The following EDIL3 variants were observed in gnomAD, a reference collection of about 807,000 sequenced individuals.
The protein encoded by EDIL3 is EGF like and discoidin domains 3, also known as EGF-like repeat and discoidin I-like domain-containing protein 3.
Under a neutral mutation model 67.4 loss-of-function variants are expected in EDIL3, and 37 were observed. That is an observed-to-expected ratio of 0.55 (90% CI 0.42 to 0.72). EDIL3 has a LOEUF of 0.72. Ranked by LOEUF, EDIL3 falls within the 30% of genes least tolerant of loss-of-function variation. EDIL3 has a pLI of 0.00. For missense variants in EDIL3, 527 were observed against 586.3 expected (o/e 0.90, Z 1.04); for synonymous variants, 195 against 196.3 (o/e 0.99, Z 0.05).
chr5:84,318,181 T>C (rs1316043995), intron 1 of EDIL3, among the ~76,000 whole-genome samples: 1 of 152,180 alleles, frequency 6.6e-6, no homozygotes, highest in Non-Finnish European at 1.5e-5. Context: ...TGGAAGAATA[T>C]TCCATGCTCA....
At chr5:84,056,135 GGCA>G (rs1746441969) in intron 9 of EDIL3, among the ~76,000 whole-genome samples, 1 of 151,998 alleles carries the variant, frequency 6.6e-6, no homozygotes, top group Admixed American at 6.6e-5. Context: ...TGGAATACTA[GGCA>G]GCCATAAAAA....
intron 5 of EDIL3, among the ~76,000 whole-genome samples, chr5:84,127,303 T>C (rs1747885436): frequency 6.6e-6 from 1 of 152,080 alleles, no homozygotes. Flanking sequence ...ATTCCTCAAG[T>C]TCAATTTATT....
intron 9 of EDIL3, among the ~76,000 whole-genome samples, chr5:84,004,733 G>T (rs1223488641): frequency 6.6e-6 from 1 of 151,948 alleles, no homozygotes; most frequent in South Asian, 2.1e-4. Flanking sequence ...ATCAAAAAGT[G>T]AGAATGTTCT....
At chr5:84,225,911 C>T (rs542403406) in intron 3 of EDIL3, among the ~76,000 whole-genome samples, 1 of 151,654 alleles carries the variant, frequency 6.6e-6, no homozygotes, top group African/African-American at 2.4e-5. Flanking sequence ...ATTCAAAATT[C>T]ATACATTAAC....
At chr5:84,042,393 T>G (rs1328196734) in intron 9 of EDIL3, among the ~76,000 whole-genome samples, 1 of 152,018 alleles carries the variant, frequency 6.6e-6, no homozygotes, top group Non-Finnish European at 1.5e-5. Flanking sequence ...GTGATTCTCC[T>G]GCCTCAGCCC....
In EDIL3 at chr5:84,360,272, A is replaced by T. The variant is rs150180352; in HGVS notation, c.67+24036T>A. 4.3e-3 allele frequency among the ~76,000 whole-genome samples: 657 copies of T among 152,312 alleles called. 3 individuals carry two copies. Among genetic ancestry groups the T allele is most frequent in the South Asian group, 0.011 (53 of 4,824 alleles). ...GATTTTATGAGGTCAAAGAACAGGT[A>T]TTGCAGCGGTCACTGAGTAATTCAG... On this transcript the variant is annotated intron_variant, in intron 1 of 10. Coordinates refer to ENST00000296591, the MANE Select transcript of EDIL3 (RefSeq NM_005711.5).
chr5:84,176,198 AATATATATAT>A lies in EDIL3; in HGVS notation c.355+4185_355+4194del, dbSNP rs561062432. On this transcript the variant is annotated intron_variant, in intron 4 of 10. Coordinates refer to ENST00000296591, the MANE Select transcript of EDIL3 (RefSeq NM_005711.5). ...TGGTAAAAAATATATATATATATATAATATATATATATATATATATATATATATAATATAT... is the reference window on the plus strand; with the variant it reads ...TGGTAAAAAATATATATATATATATAATATATATATATATATATAATATAT... Among the ~76,000 whole-genome samples, 246 of 77,250 alleles carry A rather than the reference AATATATATAT, an allele frequency of 3.2e-3. 4 individuals are homozygous for A. The highest frequency in any genetic ancestry group is 9.8e-3 in the Middle Eastern group (1 of 102). The allele number at this position is 77,250 out of a possible 152,430, so 50.7% of individuals were successfully genotyped here.
At chr5:84,223,593 T>C (rs1744392066) in intron 3 of EDIL3, among the ~76,000 whole-genome samples, 1 of 151,478 alleles carries the variant, frequency 6.6e-6, no homozygotes. Flanking sequence ...TACATAGAAA[T>C]AGAGCAGAAT....
rs550713650 is a variant in EDIL3, at chr5:84,113,193, G to A, written c.470-6363C>T. On this transcript the variant is annotated intron_variant, in intron 5 of 10. Coordinates refer to ENST00000296591, the MANE Select transcript of EDIL3 (RefSeq NM_005711.5). ...AATGCTGAATACAAAAATAGAATAC[G>A]GTAGTAGAATATGGTAGTCTGCATT... Among the ~76,000 whole-genome samples, 181 of 152,202 alleles carry A rather than the reference G, an allele frequency of 1.2e-3. 1 individual carries two copies. Among genetic ancestry groups the A allele is most frequent in the South Asian group, 4.4e-3 (21 of 4,814 alleles).
chr5:84,081,599 G>A (rs1361013979), intron 6 of EDIL3, among the ~76,000 whole-genome samples: 1 of 152,112 alleles, frequency 6.6e-6, no homozygotes, highest in Non-Finnish European at 1.5e-5. Flanking sequence ...AGTGTGCTAT[G>A]AAGGGGAGAG....
rs568268416 is a variant in EDIL3, at chr5:84,077,546, T to C, written c.652-10940A>G. On this transcript the variant is annotated intron_variant, in intron 6 of 10. Transcript: ENST00000296591. ...TTACATAGTAGCAGGCAAGAGAATGTATGCAGGGATCTGCCCTTTATAAAA... is the reference window on the plus strand; with the variant it reads ...TTACATAGTAGCAGGCAAGAGAATGCATGCAGGGATCTGCCCTTTATAAAA... Among the ~76,000 whole-genome samples, 176 of 152,162 alleles carry C rather than the reference T, an allele frequency of 1.2e-3. 2 individuals carry two copies. Among genetic ancestry groups the C allele is most frequent in the Non-Finnish European group, 2.1e-4 (14 of 68,018 alleles).
chr5:84,176,198 AATATATATATAT>A lies in EDIL3; in HGVS notation c.355+4183_355+4194del, dbSNP rs561062432. On this transcript the variant is annotated intron_variant, in intron 4 of 10. Coordinates refer to ENST00000296591, the MANE Select transcript of EDIL3 (RefSeq NM_005711.5). ...TGGTAAAAAATATATATATATATAT[AATATATATATAT>A]ATATATATATATATATAATATATTG... Among the ~76,000 whole-genome samples, 426 of 77,250 alleles carry A rather than the reference AATATATATATAT, an allele frequency of 5.5e-3. 12 individuals are homozygous for A. The highest frequency in any genetic ancestry group is 0.021 in the East Asian group (45 of 2,136). The allele number at this position is 77,250 out of a possible 152,430, so 50.7% of individuals were successfully genotyped here.
chr5:84,272,677 G>C (rs991446877), intron 1 of EDIL3, among the ~76,000 whole-genome samples: 2 of 152,116 alleles, frequency 1.3e-5, no homozygotes, highest in African/African-American at 4.8e-5. Flanking sequence ...TTCAACACCA[G>C]GCTTACCGAG....
chr5:84,067,211 A>T (rs182008586), intron 6 of EDIL3, among the ~76,000 whole-genome samples: 1 of 152,188 alleles, frequency 6.6e-6, no homozygotes, highest in African/African-American at 2.4e-5. Context: ...TCATTTTATT[A>T]TAAGTAAAAT....
intron 1 of EDIL3, among the ~76,000 whole-genome samples, chr5:84,313,889 G>T (rs1292464390): frequency 2.0e-5 from 3 of 152,098 alleles, no homozygotes; most frequent in African/African-American, 4.8e-5. Flanking sequence ...GTGGAGTGCG[G>T]TAGTGGAGAA....
At chr5:84,346,991 T>C (rs192182501) in intron 1 of EDIL3, among the ~76,000 whole-genome samples, 1 of 152,158 alleles carries the variant, frequency 6.6e-6, no homozygotes, top group Admixed American at 6.5e-5. Flanking sequence ...TTAGTTTAAA[T>C]TTTTTTCTGC....
intron 4 of EDIL3, among the ~76,000 whole-genome samples, chr5:84,140,790 C>T (rs1186704444): frequency 1.3e-5 from 2 of 152,038 alleles, no homozygotes; most frequent in Non-Finnish European, 2.9e-5. Context: ...TTTTTTAATA[C>T]AGTAGCTAAG....
chr5:84,090,341 A>G (rs1747142295), intron 6 of EDIL3, among the ~76,000 whole-genome samples: 1 of 152,184 alleles, frequency 6.6e-6, no homozygotes, highest in African/African-American at 2.4e-5. Flanking sequence ...GCTTTTCTCC[A>G]GCATTTTGAC....
At chr5:84,331,350 T>G (rs544201062) in intron 1 of EDIL3, among the ~76,000 whole-genome samples, 3 of 152,288 alleles carry the variant, frequency 2.0e-5, no homozygotes, top group Admixed American at 6.5e-5. Context: ...TCCACCCGAA[T>G]TTCATCTTGA....
Sources: allele counts gnomAD v4.1 joint callset (sites outside exome capture counted in the v4.1 genomes callset), GRCh38; gene constraint gnomAD v4.1.1; transcripts MANE v1.5; gene names NCBI Gene and HGNC (gene_info 2026-07-23, HGNC 2026-07-21).